PRSS3: variants seen among roughly 807,000 people sequenced by gnomAD.
PRSS3 encodes the protein trypsin-3.
PRSS3 carries 14 observed loss-of-function variants against 20.8 expected under a neutral mutation model. That is an observed-to-expected ratio of 0.67 (90% CI 0.44 to 1.05). PRSS3 has a LOEUF of 1.05. Among genes scored for constraint, PRSS3 ranks in the 50% least tolerant of loss-of-function variants. The probability of loss-of-function intolerance (pLI) is 0.00; values close to 1 mark genes in which losing one functional copy is unlikely to be tolerated. For synonymous variants in PRSS3, 91 were observed against 117.6 expected, an observed-to-expected ratio of 0.77 and a Z score of 1.46; for missense variants, 237 against 306.4, an observed-to-expected ratio of 0.77 and a Z score of 1.69.
At chr9:33,794,994 C>T (rs1824838503), upstream of PRSS3, 1 of 1,365,770 alleles carries the variant, frequency 7.3e-7, no homozygotes, top group African/African-American at 1.5e-5. Context: ...AGTCTCCCTT[C>T]TCCTTACCCC....
chr9:33,798,844 G>A, intron 4 of PRSS3, 184 bp from the exon 5 acceptor site: 2 of 1,043,236 alleles, frequency 1.9e-6, no homozygotes, highest in East Asian at 2.5e-5. Context: ...CCCCCATTGG[G>A]AAATGAGGGA....
chr9:33,753,526 T>C (rs1822790683), intron 1 of PRSS3, among the ~76,000 whole-genome samples: 1 of 152,226 alleles, frequency 6.6e-6, no homozygotes, highest in African/African-American at 2.4e-5. Context: ...CTCTTTTGGT[T>C]TGAGGTCTGT....
chr9:33,797,670 C>T (rs953186615), intron 2 of PRSS3, among the ~76,000 whole-genome samples, 159 bp from the exon 3 acceptor site: 3 of 152,190 alleles, frequency 2.0e-5, no homozygotes, highest in Non-Finnish European at 4.4e-5. Context: ...CACACCTGCA[C>T]TGACCCACAT....
At position 33,750,913 on chromosome 9, in the gene PRSS3, T is replaced by C; in HGVS notation, c.-53+186T>C. On this transcript the variant is annotated intron_variant, in intron 1 of 5. Transcript: ENST00000342836. This position sits in a 1 kb window ranked among gnomAD's most constrained non-coding sequence, Gnocchi z 4.8. ...GCTCAGGGACAGGGATGGAGGCTCC[T>C]CTAGGGGAGGACGGGAGGGGATGGA... The C allele has an allele frequency of 1.5e-6, 2 of 1,295,160 alleles. No individual in the cohort carries two copies. The highest frequency in any genetic ancestry group is 2.0e-6 in the Non-Finnish European group (2 of 1,017,450). The allele number at this position is 1,295,160 out of a possible 1,614,324, so 80.2% of individuals were successfully genotyped here.
chr9:33,794,989 C>G (rs1824838106), upstream of PRSS3: 1 of 1,404,730 alleles, frequency 7.1e-7, no homozygotes, highest in Non-Finnish European at 9.5e-7. Context: ...TGCTAAGTCT[C>G]CCTTCTCCTT....
intron 1 of PRSS3, among the ~76,000 whole-genome samples, chr9:33,772,469 T>C (rs2118916935): frequency 6.6e-6 from 1 of 152,320 alleles, no homozygotes; most frequent in African/African-American, 2.4e-5. Context: ...GACTCAAGAA[T>C]GACCTAATGG....
upstream of PRSS3, chr9:33,794,716 G>T: frequency 6.5e-7 from 1 of 1,530,736 alleles, no homozygotes; most frequent in Non-Finnish European, 8.8e-7. Context: ...CCCTGAGCAG[G>T]TGAGTCAGTT....
intron 1 of PRSS3, among the ~76,000 whole-genome samples, chr9:33,773,348 T>C (rs1823785936): frequency 6.6e-6 from 1 of 152,172 alleles, no homozygotes; most frequent in African/African-American, 2.4e-5. Context: ...CTATTTTTAA[T>C]ACTAGGCCAT....
intron 1 of PRSS3, among the ~76,000 whole-genome samples, chr9:33,779,361 A>C (rs1169605739): frequency 6.6e-6 from 1 of 152,236 alleles, no homozygotes; most frequent in East Asian, 1.9e-4. Context: ...ATGATCCAAG[A>C]ACTGAAAGAT....
At chr9:33,795,640 C>A in intron 1 of PRSS3, 27 bp downstream of exon 1, 1 of 1,613,086 alleles carries the variant, frequency 6.2e-7, no homozygotes, top group South Asian at 1.1e-5. Flanking sequence ...GCCTCAGGCC[C>A]CACCCACCCC....
At chr9:33,766,551 C>T (rs1388920424) in intron 1 of PRSS3, among the ~76,000 whole-genome samples, 1 of 151,890 alleles carries the variant, frequency 6.6e-6, no homozygotes, top group East Asian at 1.9e-4. Flanking sequence ...CCAGCCTGGG[C>T]GACAGAGCAA....
In PRSS3 at chr9:33,750,984, C is replaced by A. The variant is rs1822665764; in HGVS notation, c.-53+257C>A. ...CCCACCTGGGGCCCCCTCCGGGCTG[C>A]GGCACCGATGCGCACACTACTCCCA... On this transcript the variant is annotated intron_variant, in intron 1 of 5. Coordinates refer to the PRSS3 transcript ENST00000342836. The surrounding 1 kb of genome is among the most constrained non-coding windows in gnomAD (Gnocchi z 4.8). 1.2e-6 allele frequency: 1 copy of A among 800,850 alleles called. No individual in the cohort carries two copies. Among genetic ancestry groups the A allele is most frequent in the Admixed American group, 3.8e-5 (1 of 26,282 alleles). 49.6% of individuals were successfully genotyped at this position (800,850 alleles called of 1,614,324 possible).
In PRSS3 at chr9:33,772,446, T is replaced by C. The variant is rs377369895; in HGVS notation, c.-53+21719T>C. 1.6e-3 allele frequency among the ~76,000 whole-genome samples: 240 copies of C among 152,290 alleles called. 2 individuals carry two copies. The highest frequency in any genetic ancestry group is 3.0e-3 in the Non-Finnish European group (206 of 68,002). On this transcript the variant is annotated intron_variant, in intron 1 of 5. Transcript: ENST00000342836. The stretch of plus-strand genomic sequence containing the variant: ...GCCAGAGTGCCACCACCAGTCCCCG[T>C]TGTGAGCCATTGGACTCAAGAATGA...
At position 33,750,916 on chromosome 9, in the gene PRSS3, A is replaced by AG; in HGVS notation, c.-53+193dup. 7.7e-7 allele frequency: 1 copy of AG among 1,294,466 alleles called. No individual in the cohort carries two copies. The highest frequency in any genetic ancestry group is 3.1e-5 in the East Asian group (1 of 32,408). 80.2% of individuals were successfully genotyped at this position (1,294,466 alleles called of 1,614,324 possible). The stretch of plus-strand genomic sequence containing the variant: ...CAGGGACAGGGATGGAGGCTCCTCT[A>AG]GGGGAGGACGGGAGGGGATGGAGGG... On this transcript the variant is annotated intron_variant, in intron 1 of 5. Transcript: ENST00000342836. The surrounding 1 kb of genome is among the most constrained non-coding windows in gnomAD (Gnocchi z 4.8).
chr9:33,786,075 G>A (rs1824398188), intron 1 of PRSS3: 3 of 285,518 alleles, frequency 1.1e-5, no homozygotes, highest in South Asian at 1.4e-4. Flanking sequence ...CCAGGGGGAA[G>A]ACTGGTTTTT....
At chr9:33,751,066 T>C (rs1301963152) in intron 1 of PRSS3, among the ~76,000 whole-genome samples, 1 of 151,894 alleles carries the variant, frequency 6.6e-6, no homozygotes, top group African/African-American at 2.4e-5. Context: ...TATTGCTCAG[T>C]CCCCCGCGAG....
intron 1 of PRSS3, among the ~76,000 whole-genome samples, chr9:33,784,805 C>A (rs1824319802): frequency 6.6e-6 from 1 of 152,152 alleles, no homozygotes; most frequent in African/African-American, 2.4e-5. Flanking sequence ...TTTACTAAGG[C>A]ACAGGCAACT....
At chr9:33,752,286 C>T (rs537260792) in intron 1 of PRSS3, among the ~76,000 whole-genome samples, 1 of 152,278 alleles carries the variant, frequency 6.6e-6, no homozygotes, top group African/African-American at 2.4e-5. Context: ...CTCATCTCCC[C>T]CCTACCTTCA....
chr9:33,751,344 G>C (rs1822690583), intron 1 of PRSS3, among the ~76,000 whole-genome samples: 2 of 152,178 alleles, frequency 1.3e-5, no homozygotes, highest in African/African-American at 4.8e-5. Flanking sequence ...CCGATCCAGT[G>C]CTTAGCTTCC....
Sources: gnomAD v4.1 joint callset for allele counts (sites outside exome capture counted in the v4.1 genomes callset) on GRCh38, gnomAD v4.1.1 for gene constraint, Gnocchi (gnomAD v3.1) non-coding constraint, MANE v1.5 for transcripts, NCBI Gene and HGNC (gene_info 2026-07-23, HGNC 2026-07-21) for gene names.